RELN: variants seen among roughly 807,000 people sequenced by gnomAD.
RELN encodes the protein reelin.
Under a neutral mutation model 427.6 loss-of-function variants are expected in RELN, and 108 were observed. The observed-to-expected ratio is 0.25, with a 90% CI of 0.22 to 0.30. The LOEUF is 0.30. Among genes scored for constraint, RELN ranks in the 10% least tolerant of loss-of-function variants. The pLI is 1.00. For missense variants in RELN, 3,715 were observed against 4,302.8 expected, an observed-to-expected ratio of 0.86 and a Z score of 3.82; for synonymous variants, 1,524 against 1,513.4, an observed-to-expected ratio of 1.01 and a Z score of -0.16.
intron 8 of RELN, among the ~76,000 whole-genome samples, chr7:103,718,499 T>A (rs1045949208): frequency 5.9e-5 from 9 of 152,186 alleles, no homozygotes; most frequent in African/African-American, 1.9e-4. Context: ...TGCATATGTA[T>A]TTCTGTCTAC....
intron 50 of RELN, chr7:103,512,653 TC>T (rs1393271737): frequency 1.3e-5 from 2 of 152,224 alleles, no homozygotes; most frequent in Non-Finnish European, 2.9e-5. Flanking sequence ...CCCTCACAGT[TC>T]CTTTTCTCTT....
chr7:103,679,059 TA>T (rs1833599381), intron 11 of RELN, among the ~76,000 whole-genome samples: 1 of 152,128 alleles, frequency 6.6e-6, no homozygotes, highest in African/African-American at 2.4e-5. Flanking sequence ...TTGTGACTTT[TA>T]AAAAAAATTC....
chr7:103,510,243 G>C (rs1444614613), intron 51 of RELN, among the ~76,000 whole-genome samples: 1 of 152,184 alleles, frequency 6.6e-6, no homozygotes, highest in Non-Finnish European at 1.5e-5. Flanking sequence ...CCAACCAAAT[G>C]CCCATCAATG....
In RELN at chr7:103,776,570, C is replaced by T; in HGVS notation, c.531G>A (p.Leu177=). The part of the protein sequence containing the change: ...VIFKDALAQQ[L]CEQGAPTDVT... ...TGTGACGCTTACCTCCTTGTTCACA[C>T]AACTGCTGGGCTAAAGCATCTTTGA... The change falls in exon 4 of 65, where the codon TTG becomes TTA. Residue 177 remains leucine, a synonymous_variant. Coordinates refer to ENST00000428762, the MANE Select transcript of RELN (RefSeq NM_005045.4). 6.2e-7 allele frequency: 1 copy of T among 1,614,100 alleles called. No homozygotes were observed. Among genetic ancestry groups the T allele is most frequent in the Non-Finnish European group, 8.5e-7 (1 of 1,179,958 alleles).
intron 2 of RELN, among the ~76,000 whole-genome samples, chr7:103,834,377 G>T (rs1243025828): frequency 6.6e-6 from 1 of 152,158 alleles, no homozygotes; most frequent in Non-Finnish European, 1.5e-5. Context: ...GTTCAGCTAT[G>T]TTAAAGAGTG....
chr7:103,798,057 C>G (rs1488084718), intron 3 of RELN, among the ~76,000 whole-genome samples: 1 of 152,112 alleles, frequency 6.6e-6, no homozygotes, highest in Non-Finnish European at 1.5e-5. Context: ...TTAGGCTTTC[C>G]CTGCTCCGTA....
chr7:103,697,312 C>T (rs1833996625), intron 10 of RELN, among the ~76,000 whole-genome samples: 1 of 152,112 alleles, frequency 6.6e-6, no homozygotes, highest in South Asian at 2.1e-4. Context: ...CACAACACAG[C>T]CTTAATGTAT....
Position 103,844,648 on chromosome 7 carries a change from C to T in RELN, c.338-10976G>A, listed in dbSNP as rs1251613525. Among the ~76,000 whole-genome samples the T allele has an allele frequency of 5.3e-5, 8 of 152,186 alleles. No homozygotes were observed. The East Asian group carries it at 1.2e-3, about 22-fold the overall frequency. On this transcript the variant is annotated intron_variant, in intron 2 of 64. Transcript: ENST00000428762. ...CCCTGTCAATTTTTAGTGGTGTGAT[C>T]TTGAACAAGTTACTTAAACTCTCTA...
At chr7:103,944,780 T>C (rs1191686196) in intron 1 of RELN, among the ~76,000 whole-genome samples, 1 of 152,132 alleles carries the variant, frequency 6.6e-6, no homozygotes, top group Non-Finnish European at 1.5e-5. Context: ...TTTTGCAGAC[T>C]GGGATGTAAG....
At chr7:103,613,796 A>C (rs1218633345) in intron 20 of RELN, among the ~76,000 whole-genome samples, 1 of 152,244 alleles carries the variant, frequency 6.6e-6, no homozygotes, top group Non-Finnish European at 1.5e-5. Context: ...TGACAGAGCC[A>C]ACAATGCTTT....
rs189542658 is a variant in RELN, at chr7:103,704,204, T to C, written c.806-3198A>G. Reference sequence around the variant, plus strand: ...CCTAGTCATAGCAACTGTCACACTATCACGTTGTTTACTCAACCCCATAAT... The same window carrying C: ...CCTAGTCATAGCAACTGTCACACTACCACGTTGTTTACTCAACCCCATAAT... On this transcript the variant is annotated intron_variant, in intron 8 of 64. Coordinates refer to ENST00000428762, the MANE Select transcript of RELN (RefSeq NM_005045.4). 1.3e-3 allele frequency among the ~76,000 whole-genome samples: 204 copies of C among 152,328 alleles called. 1 individual carries two copies. Among genetic ancestry groups the C allele is most frequent in the Admixed American group, 4.0e-3 (61 of 15,300 alleles).
At chr7:103,516,378 TG>T (rs1202159628) in intron 49 of RELN, among the ~76,000 whole-genome samples, 1 of 151,024 alleles carries the variant, frequency 6.6e-6, no homozygotes, top group Non-Finnish European at 1.5e-5. Flanking sequence ...CTCCGCCTCC[TG>T]GGTGCAAGCA....
intron 3 of RELN, among the ~76,000 whole-genome samples, chr7:103,811,631 A>G (rs1792746046): frequency 6.6e-6 from 1 of 152,220 alleles, no homozygotes; most frequent in African/African-American, 2.4e-5. Context: ...AATTCACCGT[A>G]AGTTATGCTA....
intron 1 of RELN, among the ~76,000 whole-genome samples, chr7:103,976,560 T>C (rs778423826): frequency 1.8e-4 from 27 of 152,098 alleles, no homozygotes; most frequent in Non-Finnish European, 2.9e-4. Flanking sequence ...ATGAAACAAT[T>C]GTAGGAACGG....
chr7:103,579,697 G>A (rs1831086221), intron 28 of RELN, among the ~76,000 whole-genome samples: 1 of 151,024 alleles, frequency 6.6e-6, no homozygotes, highest in Non-Finnish European at 1.5e-5. Context: ...TAAATAAAAA[G>A]AAGAAGATAT....
intron 28 of RELN, among the ~76,000 whole-genome samples, chr7:103,577,337 A>G (rs865804851): frequency 3.3e-5 from 5 of 152,098 alleles, no homozygotes; most frequent in African/African-American, 9.7e-5. Flanking sequence ...TTACCTACTC[A>G]TGGCAACTTT....
intron 63 of RELN, among the ~76,000 whole-genome samples, chr7:103,480,682 T>A (rs1409753275): frequency 6.6e-6 from 1 of 152,232 alleles, no homozygotes; most frequent in African/African-American, 2.4e-5. Flanking sequence ...ATTTTTGAAA[T>A]GTCATTAAAG....
chr7:103,573,347 G>A lies in RELN; in HGVS notation c.4511+745C>T, dbSNP rs1562899068. On this transcript the variant is annotated intron_variant, in intron 30 of 64. Transcript: ENST00000428762. The surrounding 1 kb of genome is among the most constrained non-coding windows in gnomAD (Gnocchi z 4.4). ...GACTCACTTGGCTAAATTTTTCACA[G>A]CAGGCCTTCAGTCAGTACGATGTAA... Among the ~76,000 whole-genome samples, 1 of 152,188 alleles carries A rather than the reference G, an allele frequency of 6.6e-6. No individual in the cohort carries two copies. Among genetic ancestry groups the A allele is most frequent in the Non-Finnish European group, 1.5e-5 (1 of 68,038 alleles).
chr7:103,905,047 C>A (rs1446222684), intron 2 of RELN, among the ~76,000 whole-genome samples: 1 of 129,916 alleles, frequency 7.7e-6, no homozygotes, highest in African/African-American at 2.9e-5. Flanking sequence ...GTGGTGCAAT[C>A]TCTGCTCACT....
Sources: allele counts gnomAD v4.1 joint callset (sites outside exome capture counted in the v4.1 genomes callset), GRCh38; gene constraint gnomAD v4.1.1; non-coding constraint Gnocchi (gnomAD v3.1); transcripts MANE v1.5; gene names NCBI Gene and HGNC (gene_info 2026-07-23, HGNC 2026-07-21).